The following SPATA17 variants were observed in gnomAD, a reference collection of about 807,000 sequenced individuals.
The protein encoded by SPATA17 is spermatogenesis associated 17.
SPATA17 carries 53 observed loss-of-function variants against 62.2 expected under a neutral mutation model. That is an observed-to-expected ratio of 0.85 (90% CI 0.68 to 1.07). The LOEUF (loss-of-function observed/expected upper bound fraction) is 1.07, where lower values mean the gene tolerates loss of function less well. Among genes scored for constraint, SPATA17 ranks in the 50% least tolerant of loss-of-function variants. SPATA17 has a pLI of 0.00. For synonymous variants in SPATA17, 146 were observed against 146.8 expected, an observed-to-expected ratio of 0.99 and a Z score of 0.04; for missense variants, 466 against 425.5, an observed-to-expected ratio of 1.10 and a Z score of -0.84.
Position 217,870,813 on chromosome 1 carries a change from C to T in SPATA17, c.*3794C>T, listed in dbSNP as rs577776705. 1 of 152,346 alleles carries T rather than the reference C, an allele frequency of 6.6e-6. No individual in the cohort carries two copies. The highest frequency in any genetic ancestry group is 1.5e-5 in the Non-Finnish European group (1 of 68,028). 9.4% of individuals were successfully genotyped at this position (152,346 alleles called of 1,614,324 possible). On this transcript the variant is annotated 3_prime_UTR_variant, in exon 11 of 11. Coordinates refer to ENST00000366933, the MANE Select transcript of SPATA17 (RefSeq NM_138796.4). Reference sequence around the variant, plus strand: ...AATCAGGTAATACCTTTCTTCTCCACTACTCTCTAATTTCCTTGAGGGCAA... The same window carrying T: ...AATCAGGTAATACCTTTCTTCTCCATTACTCTCTAATTTCCTTGAGGGCAA...
intron 5 of SPATA17, among the ~76,000 whole-genome samples, chr1:217,684,053 C>G (rs564332815): frequency 1.3e-5 from 2 of 152,028 alleles, no homozygotes; most frequent in African/African-American, 2.4e-5. Flanking sequence ...GAACTTGCCT[C>G]TCCTAGAATA....
chr1:217,683,301 T>C lies in SPATA17; in HGVS notation c.335T>C (p.Phe112Ser), dbSNP rs2102906252. ...WRGYRVRKYL[F>S]NYYYLKEYLK... ...GGCTATAGGGTTCGGAAGTACCTCT[T>C]TAATTATTATTATTTGAAAGAGTAC... The change falls in exon 5 of 11, where the codon TTT becomes TCT. Residue 112 changes from phenylalanine to serine, a missense_variant. Phe to Ser is a radical substitution (Grantham distance 155). Coordinates refer to ENST00000366933, the MANE Select transcript of SPATA17 (RefSeq NM_138796.4). The C allele has an allele frequency of 6.2e-7, 1 of 1,610,438 alleles. No homozygotes were observed. The highest frequency in any genetic ancestry group is 2.2e-5 in the East Asian group (1 of 44,630).
intron 6 of SPATA17, among the ~76,000 whole-genome samples, chr1:217,767,602 C>T (rs542568546): frequency 3.3e-5 from 5 of 152,216 alleles, no homozygotes; most frequent in East Asian, 1.9e-4. Context: ...TTTCTATTGA[C>T]GTATCCTCAA....
At chr1:217,700,016 G>T (rs554998966) in intron 5 of SPATA17, among the ~76,000 whole-genome samples, 8 of 152,144 alleles carry the variant, frequency 5.3e-5, no homozygotes, top group African/African-American at 1.9e-4. Context: ...TGTCCTTTTT[G>T]TCTATGTGTC....
At chr1:217,711,967 C>A (rs1187154218) in intron 5 of SPATA17, among the ~76,000 whole-genome samples, 2 of 152,208 alleles carry the variant, frequency 1.3e-5, no homozygotes, top group Admixed American at 1.3e-4. Context: ...TTGGAAGTAA[C>A]ATGTTGGTAG....
Position 217,862,859 on chromosome 1 carries a change from A to G in SPATA17, c.*2+3A>G, listed in dbSNP as rs763962409. ...AAAGCTGGACAGATTGTATAAAGGT[A>G]TGACTTTTTGCTAAGAAGTAATTCA... is the stretch of plus-strand genomic sequence containing the variant. On this transcript the variant is annotated splice_donor_region_variant and intron_variant, in intron 10 of 10. Coordinates refer to ENST00000366933, the MANE Select transcript of SPATA17 (RefSeq NM_138796.4). The G allele has an allele frequency of 1.3e-6, 2 of 1,573,574 alleles. No individual in the cohort carries two copies. Among genetic ancestry groups the G allele is most frequent in the South Asian group, 1.2e-5 (1 of 84,670 alleles).
chr1:217,640,389 G>T (rs1670034042), intron 1 of SPATA17, among the ~76,000 whole-genome samples: 1 of 151,058 alleles, frequency 6.6e-6, no homozygotes, highest in African/African-American at 2.5e-5. Context: ...AACTTAACAA[G>T]TTCGCAGGAT....
intron 6 of SPATA17, among the ~76,000 whole-genome samples, chr1:217,771,886 C>T (rs1180896024): frequency 6.6e-6 from 1 of 152,032 alleles, no homozygotes; most frequent in African/African-American, 2.4e-5. Context: ...AAGTTAATAG[C>T]TGGTAGCGGT....
intron 8 of SPATA17, among the ~76,000 whole-genome samples, chr1:217,782,886 C>T (rs1173773749): frequency 6.6e-6 from 1 of 151,832 alleles, no homozygotes; most frequent in African/African-American, 2.4e-5. Context: ...CACTTTCTCT[C>T]TCTTAAGACA....
chr1:217,727,960 G>A (rs754229950), intron 5 of SPATA17, among the ~76,000 whole-genome samples: 2 of 152,078 alleles, frequency 1.3e-5, no homozygotes, highest in Non-Finnish European at 2.9e-5. Context: ...TCTGTTTTGG[G>A]TTGACTAGTT....
chr1:217,799,096 A>G (rs1021673018), intron 8 of SPATA17, among the ~76,000 whole-genome samples: 1 of 152,164 alleles, frequency 6.6e-6, no homozygotes, highest in African/African-American at 2.4e-5. Flanking sequence ...TGATTTGAGA[A>G]TTAAATAATT....
At chr1:217,753,977 G>A (rs1672977718) in intron 6 of SPATA17, among the ~76,000 whole-genome samples, 1 of 152,106 alleles carries the variant, frequency 6.6e-6, no homozygotes. Context: ...TCTCACGCCT[G>A]TAATACCCAA....
At chr1:217,664,617 G>A (rs1670651686) in intron 3 of SPATA17, among the ~76,000 whole-genome samples, 5 of 151,958 alleles carry the variant, frequency 3.3e-5, no homozygotes, top group South Asian at 4.1e-4. Context: ...ACCCTATAGC[G>A]GGAGCAGGTT....
At chr1:217,655,314 T>C (rs1207411220) in intron 3 of SPATA17, among the ~76,000 whole-genome samples, 1 of 152,202 alleles carries the variant, frequency 6.6e-6, no homozygotes, top group Non-Finnish European at 1.5e-5. Context: ...TAGTGTTTCT[T>C]CAGTGTTGGA....
At chr1:217,694,879 C>T (rs1275157000) in intron 5 of SPATA17, among the ~76,000 whole-genome samples, 1 of 140,920 alleles carries the variant, frequency 7.1e-6, no homozygotes, top group Non-Finnish European at 1.5e-5. Flanking sequence ...GTCTGATGGG[C>T]TTCCCTTTGA....
intron 3 of SPATA17, among the ~76,000 whole-genome samples, chr1:217,663,937 C>T (rs115844169): frequency 0.014 from 2,190 of 151,956 alleles, 30 homozygotes; most frequent in Non-Finnish European, 0.023. Flanking sequence ...GTATATTGTA[C>T]ATGAAAATAT....
chr1:217,661,942 A>G (rs1468577540), intron 3 of SPATA17, among the ~76,000 whole-genome samples: 3 of 151,954 alleles, frequency 2.0e-5, no homozygotes, highest in African/African-American at 7.3e-5. Context: ...GCTTTTCCTT[A>G]CCCCTTCCTT....
intron 9 of SPATA17, among the ~76,000 whole-genome samples, chr1:217,834,206 A>T (rs970965461): frequency 6.6e-6 from 1 of 152,196 alleles, no homozygotes; most frequent in Non-Finnish European, 1.5e-5. Flanking sequence ...ATATAAAAGT[A>T]TAGCACATAT....
chr1:217,770,943 C>A (rs187782466), intron 6 of SPATA17, among the ~76,000 whole-genome samples: 28 of 117,910 alleles, frequency 2.4e-4, no homozygotes, highest in African/African-American at 8.6e-4. Flanking sequence ...GGGGGGAATT[C>A]AAGAAAAATA....
Sources: gnomAD v4.1 joint callset for allele counts (sites outside exome capture counted in the v4.1 genomes callset) on GRCh38, gnomAD v4.1.1 for gene constraint, MANE v1.5 for transcripts, NCBI Gene and HGNC (gene_info 2026-07-23, HGNC 2026-07-21) for gene names.